TPD52: variants seen among roughly 807,000 people sequenced by gnomAD.
The protein encoded by TPD52 is prostate and colon associated protein.
Under a neutral mutation model 31.3 loss-of-function variants are expected in TPD52, and 17 were observed. The observed-to-expected ratio is 0.54, with a 90% CI of 0.37 to 0.82. TPD52 has a LOEUF of 0.82. Ranked by LOEUF, TPD52 falls within the 40% of genes least tolerant of loss-of-function variation. The probability of loss-of-function intolerance (pLI) is 0.00; values close to 1 mark genes in which losing one functional copy is unlikely to be tolerated. For synonymous variants in TPD52, 83 were observed against 89.6 expected, an observed-to-expected ratio of 0.93 and a Z score of 0.42; for missense variants, 212 against 240.1, an observed-to-expected ratio of 0.88 and a Z score of 0.77.
At chr8:80,079,122 C>T (rs1275732035) in intron 1 of TPD52, among the ~76,000 whole-genome samples, 4 of 152,120 alleles carry the variant, frequency 2.6e-5, no homozygotes, top group African/African-American at 9.7e-5. Context: ...CTGTGTGGCC[C>T]CTATTAAATT....
chr8:80,154,600 C>T (rs746515779), intron 1 of TPD52, among the ~76,000 whole-genome samples: 10 of 152,052 alleles, frequency 6.6e-5, no homozygotes, highest in Non-Finnish European at 1.0e-4. Flanking sequence ...TTCTCCTCAG[C>T]CCAAAATTCA....
In TPD52 at chr8:80,077,145, C is replaced by T. The variant is rs116113702; in HGVS notation, c.20-12552G>A. On this transcript the variant is annotated intron_variant, in intron 1 of 7. Transcript: ENST00000518937. ...CAAAAATTAGCACGATGTGGTGACG[C>T]GCACCTATAGTCCCAGGTATTTGGG... Among the ~76,000 whole-genome samples, 302 of 152,054 alleles carry T rather than the reference C, an allele frequency of 2.0e-3. 1 individual carries two copies. Among genetic ancestry groups the T allele is most frequent in the African/African-American group, 6.9e-3 (285 of 41,498 alleles).
intron 1 of TPD52, among the ~76,000 whole-genome samples, chr8:80,093,498 A>G (rs147596329): frequency 2.3e-3 from 357 of 152,326 alleles, no homozygotes; most frequent in Non-Finnish European, 4.2e-3. Flanking sequence ...TGAGAGGCTC[A>G]TATGAAACAC....
chr8:80,087,918 T>C (rs1378944517), intron 1 of TPD52, among the ~76,000 whole-genome samples: 1 of 152,206 alleles, frequency 6.6e-6, no homozygotes, highest in East Asian at 1.9e-4. Context: ...TGATTTTAAG[T>C]ATGAAATTCA....
chr8:80,080,231 C>A, intron 1 of TPD52: 2 of 1,290,156 alleles, frequency 1.6e-6, no homozygotes, highest in Non-Finnish European at 2.2e-6. Context: ...CATCTTTACA[C>A]TAACAATTTT....
intron 1 of TPD52, chr8:80,066,846 C>T (rs1329022546): frequency 6.6e-6 from 1 of 152,164 alleles, no homozygotes; most frequent in Non-Finnish European, 1.5e-5. Context: ...GTCAAGCATT[C>T]AAGTAACAAT....
At chr8:80,097,172 G>T (rs949804983) in intron 1 of TPD52, among the ~76,000 whole-genome samples, 1 of 152,166 alleles carries the variant, frequency 6.6e-6, no homozygotes, top group Non-Finnish European at 1.5e-5. Flanking sequence ...CCTAATCCAG[G>T]GCAAGGTCCT....
intron 1 of TPD52, among the ~76,000 whole-genome samples, chr8:80,072,995 T>G (rs1046834671): frequency 1.3e-5 from 2 of 151,634 alleles, no homozygotes; most frequent in Non-Finnish European, 2.9e-5. Context: ...TCCCATCTAC[T>G]TGGGAGGCTG....
At chr8:80,083,662 G>A (rs186339728) in intron 1 of TPD52, among the ~76,000 whole-genome samples, 17 of 152,280 alleles carry the variant, frequency 1.1e-4, no homozygotes, top group Non-Finnish European at 1.9e-4. Context: ...CTAGAACTGT[G>A]AGTCAATTAA....
At chr8:80,108,982 A>G (rs1231886029) in intron 1 of TPD52, among the ~76,000 whole-genome samples, 2 of 152,250 alleles carry the variant, frequency 1.3e-5, no homozygotes, top group African/African-American at 4.8e-5. Flanking sequence ...ATAAGTTCAA[A>G]AAGAATCTGT....
chr8:80,169,129 C>T (rs1224522775), intron 1 of TPD52, among the ~76,000 whole-genome samples: 1 of 152,116 alleles, frequency 6.6e-6, no homozygotes, highest in African/African-American at 2.4e-5. Flanking sequence ...GGACTACAGG[C>T]CGGTGCCACC....
intron 1 of TPD52, among the ~76,000 whole-genome samples, chr8:80,156,103 T>A (rs1212343718): frequency 6.6e-6 from 1 of 152,088 alleles, no homozygotes. Flanking sequence ...GGACAGCTAT[T>A]CTCTGCTCCA....
chr8:80,168,413 AT>A (rs1331296289), intron 1 of TPD52, among the ~76,000 whole-genome samples: 1 of 152,160 alleles, frequency 6.6e-6, no homozygotes, highest in Non-Finnish European at 1.5e-5. Flanking sequence ...TTCATTAGGG[AT>A]TTTTTAAGGG....
chr8:80,112,399 C>T (rs2130985957), intron 1 of TPD52, among the ~76,000 whole-genome samples: 1 of 152,274 alleles, frequency 6.6e-6, no homozygotes, highest in South Asian at 2.1e-4. Context: ...GACTGATTAC[C>T]TTGAGCCTGT....
At chr8:80,059,063 T>C (rs1812212938) in intron 2 of TPD52, among the ~76,000 whole-genome samples, 1 of 152,194 alleles carries the variant, frequency 6.6e-6, no homozygotes, top group Non-Finnish European at 1.5e-5. Flanking sequence ...GAGTATACGT[T>C]AGGCAACAAA....
chr8:80,033,548 C>T (rs1055053869), downstream of TPD52, among the ~76,000 whole-genome samples: 1 of 152,174 alleles, frequency 6.6e-6, no homozygotes, highest in African/African-American at 2.4e-5. Flanking sequence ...CACCACTCTT[C>T]TCTCCTGCAG....
intron 5 of TPD52, among the ~76,000 whole-genome samples, chr8:80,045,745 G>A (rs1810783218): frequency 6.6e-6 from 1 of 152,202 alleles, no homozygotes; most frequent in Non-Finnish European, 1.5e-5. Flanking sequence ...TGGTTTGGGT[G>A]GAGCCTGGCC....
At chr8:80,123,947 A>C (rs947805910) in intron 1 of TPD52, among the ~76,000 whole-genome samples, 1 of 152,348 alleles carries the variant, frequency 6.6e-6, no homozygotes, top group East Asian at 1.9e-4. Flanking sequence ...AAAGGCAAGC[A>C]GGTGGTTACT....
intron 1 of TPD52, among the ~76,000 whole-genome samples, chr8:80,166,215 A>C (rs1359634385): frequency 6.6e-6 from 1 of 152,136 alleles, no homozygotes; most frequent in East Asian, 2.0e-4. Context: ...CAAGAGGCTG[A>C]GGCAGGAGAA....
Sources: gnomAD v4.1 joint callset for allele counts (sites outside exome capture counted in the v4.1 genomes callset) on GRCh38, gnomAD v4.1.1 for gene constraint, MANE v1.5 for transcripts, NCBI Gene and HGNC (gene_info 2026-07-23, HGNC 2026-07-21) for gene names.